The following BOP1 variants were observed in gnomAD, a reference collection of about 807,000 sequenced individuals.
BOP1 encodes the protein ribosome biogenesis protein BOP1.
In BOP1, 54 loss-of-function variants were observed where a neutral mutation model predicts 82.9. The observed-to-expected ratio is 0.65, with a 90% CI of 0.52 to 0.82. The LOEUF (loss-of-function observed/expected upper bound fraction) is 0.82, where lower values mean the gene tolerates loss of function less well. Ranked by LOEUF, BOP1 falls within the 40% of genes least tolerant of loss-of-function variation. The pLI is 0.00. For missense variants in BOP1, 1,170 were observed against 1,072.0 expected (o/e 1.09, Z -1.28); for synonymous variants, 566 against 451.1 (o/e 1.25, Z -3.23).
intron 3 of BOP1, among the ~76,000 whole-genome samples, chr8:144,266,382 G>A (rs1845363851): frequency 6.6e-6 from 1 of 151,868 alleles, no homozygotes; most frequent in Non-Finnish European, 1.5e-5. Context: ...CCTCCGGGCT[G>A]AGAGGGGCGG....
intron 2 of BOP1, among the ~76,000 whole-genome samples, chr8:144,282,474 G>A (rs1210699322): frequency 6.6e-6 from 1 of 152,186 alleles, no homozygotes; most frequent in Non-Finnish European, 1.5e-5. Flanking sequence ...GGCCCACCAA[G>A]CTCGTGCCAG....
At chr8:144,283,223 A>AAAG (rs1398850615) in intron 2 of BOP1, among the ~76,000 whole-genome samples, 3 of 147,694 alleles carry the variant, frequency 2.0e-5, no homozygotes, top group Non-Finnish European at 3.0e-5. Flanking sequence ...AAAAAAAAAA[A>AAAG]AAGAAAGGCT....
intron 3 of BOP1, among the ~76,000 whole-genome samples, chr8:144,268,803 AGG>A (rs1468946315): frequency 1.3e-5 from 2 of 150,632 alleles, no homozygotes; most frequent in African/African-American, 4.9e-5. Flanking sequence ...AGGCAGGGAC[AGG>A]GAGGCAGCGG....
chr8:144,286,772 C>T (rs555174680), intron 2 of BOP1, among the ~76,000 whole-genome samples: 170 of 152,302 alleles, frequency 1.1e-3, no homozygotes, highest in African/African-American at 3.7e-3. Context: ...TGCTGGATGA[C>T]GGAGCACACA....
In BOP1 at chr8:144,289,162, C is replaced by G; in HGVS notation, c.242G>C (p.Gly81Ala). 2 of 1,614,222 alleles carry G rather than the reference C, an allele frequency of 1.2e-6. No homozygotes were observed. The highest frequency in any genetic ancestry group is 8.5e-7 in the Non-Finnish European group (1 of 1,180,036). Residue 81 changes from glycine to alanine, a missense_variant, in exon 2 of 16, where the codon GGA (glycine) becomes GCA (alanine). Transcript: ENST00000569669. ...CTCGTCATCAAGGGCTCCGTCCTCT[C>G]CCTCCTCGTCGCCTTCGTCATCATC... ...SEDDDEGDEEGEDGALDDEGH... is the reference protein window; with the variant it reads ...SEDDDEGDEEAEDGALDDEGH...
At position 144,263,070 on chromosome 8, in the gene BOP1, G is replaced by C; in HGVS notation, c.1677C>G (p.Thr559=). ...LAVVLATQGH[T]QVLIHQLSRR... is the part of the protein sequence containing the mutation. Reference sequence around the variant, plus strand: ...GGCTCAGCTGGTGAATCAGCACCTGGGTGTGGCCTTGGGTGGCCAGCACCA... The same window carrying C: ...GGCTCAGCTGGTGAATCAGCACCTGCGTGTGGCCTTGGGTGGCCAGCACCA... Residue 559 remains threonine (T), a synonymous_variant, in exon 13 of 16, where the codon ACC becomes ACG. Coordinates refer to ENST00000569669, the MANE Select transcript of BOP1 (RefSeq NM_015201.5). 2 of 1,588,400 alleles carry C rather than the reference G, an allele frequency of 1.3e-6. No individual in the cohort carries two copies. The highest frequency in any genetic ancestry group is 1.1e-5 in the South Asian group (1 of 89,492).
chr8:144,263,187 C>A (rs782367967), intron 12 of BOP1, 34 bp downstream of exon 12: 6 of 1,592,406 alleles, frequency 3.8e-6, no homozygotes, highest in Non-Finnish European at 5.1e-6. Flanking sequence ...GGGCCCCTCC[C>A]GCTGCAGCCT....
intron 3 of BOP1, 149 bp downstream of exon 3, chr8:144,276,075 C>G (rs1845563755): frequency 3.5e-6 from 3 of 849,564 alleles, no homozygotes. Context: ...GGAAGCAGGA[C>G]GCCCACGTGG....
At chr8:144,276,838 G>A (rs1845574378) in intron 2 of BOP1, among the ~76,000 whole-genome samples, 4 of 152,170 alleles carry the variant, frequency 2.6e-5, no homozygotes, top group Admixed American at 6.5e-5. Context: ...CCATCCCGGG[G>A]GCCACGTCCC....
intron 3 of BOP1, chr8:144,268,077 C>A (rs1845420091): frequency 1.9e-6 from 3 of 1,549,848 alleles, no homozygotes; most frequent in South Asian, 1.2e-5. Context: ...TCTGCCGGGG[C>A]CTGACACTCC....
rs1845314341 is a variant in BOP1 at position 144,264,606 on chromosome 8, T to C, written c.674A>G (p.Asp225Gly). 6.9e-6 allele frequency: 11 copies of C among 1,600,138 alleles called. No homozygotes were observed. The South Asian group carries it at 1.2e-4, about 18-fold the overall frequency. Residue 225 changes from aspartate (D) to glycine (G), a missense_variant, in exon 6 of 16, where the codon GAC becomes GGC. Coordinates refer to ENST00000569669, the MANE Select transcript of BOP1 (RefSeq NM_015201.5). ...VGFNPYEPAV[D>G]FFSGDVMIHP... Reference sequence around the variant, plus strand: ...GATCATGACGTCCCCGCTGAAGAAGTCGACAGCCGGCTGGGGGAGAAGATG... The same window carrying C: ...GATCATGACGTCCCCGCTGAAGAAGCCGACAGCCGGCTGGGGGAGAAGATG...
In BOP1 at chr8:144,265,058, G is replaced by A. The variant is rs1347167920; in HGVS notation, c.404C>T (p.Thr135Met). ...CCACTCCAAGGGCACGTTGCCCACC[G>A]TGTTCCGGATGTCCTGCAGCCGGGG... Reference protein sequence around the residue: ...DSSDEEDIRNTVGNVPLEWYD... With the variant: ...DSSDEEDIRNMVGNVPLEWYD... Residue 135 changes from threonine to methionine, a missense_variant, in exon 4 of 16, where the codon ACG becomes ATG. Transcript: ENST00000569669. The A allele has an allele frequency of 3.2e-5, 51 of 1,610,728 alleles. No homozygotes were observed. The highest frequency in any genetic ancestry group is 3.0e-4 in the South Asian group (27 of 90,974).
intron 2 of BOP1, among the ~76,000 whole-genome samples, chr8:144,277,012 T>C (rs1845577107): frequency 6.6e-6 from 1 of 152,148 alleles, no homozygotes; most frequent in South Asian, 2.1e-4. Context: ...AAACAGATTC[T>C]GCCCTCGACT....
In BOP1 at chr8:144,278,186, C is replaced by T. The variant is rs587655721; in HGVS notation, c.310-1882G>A. ...GCGAGCGCCACTGGGCAGAGGCAGG[C>T]GGGTCTGAAGGACCGACGGGTGGGC... On this transcript the variant is annotated intron_variant, in intron 2 of 15. Coordinates refer to ENST00000569669, the MANE Select transcript of BOP1 (RefSeq NM_015201.5). 1.8e-3 allele frequency among the ~76,000 whole-genome samples: 274 copies of T among 152,326 alleles called. 1 individual carries two copies. The highest frequency in any genetic ancestry group is 6.2e-3 in the African/African-American group (259 of 41,582).
intron 2 of BOP1, among the ~76,000 whole-genome samples, chr8:144,276,833 C>T (rs1409004263): frequency 6.6e-6 from 1 of 152,186 alleles, no homozygotes; most frequent in East Asian, 1.9e-4. Context: ...TCCACCCATC[C>T]CGGGGGCCAC....
At chr8:144,271,959 C>A (rs1238252524) in intron 3 of BOP1, among the ~76,000 whole-genome samples, 1 of 152,136 alleles carries the variant, frequency 6.6e-6, no homozygotes, top group Non-Finnish European at 1.5e-5. Context: ...CAAGTCACCT[C>A]CTGGGGGTCT....
In BOP1 at chr8:144,265,286, C is replaced by T. The variant is rs961794444; in HGVS notation, c.391-215G>A. 156 of 613,900 alleles carry T rather than the reference C, an allele frequency of 2.5e-4. 3 individuals are homozygous for T. The South Asian group carries it at 2.8e-3, about 11-fold the overall frequency. The allele number at this position is 613,900 out of a possible 1,614,324, so 38.0% of individuals were successfully genotyped here. A position where few individuals can be genotyped will look rare whatever the true frequency, so the allele number is the denominator to read the frequency against. ...CCCCCACCCCCGCCCTCGGAGGCGC[C>T]GGAGCTGCACCTTCACATTTTCCAC... On this transcript the variant is annotated intron_variant, in intron 3 of 15. Coordinates refer to ENST00000569669, the MANE Select transcript of BOP1 (RefSeq NM_015201.5).
intron 2 of BOP1, among the ~76,000 whole-genome samples, chr8:144,279,173 G>A (rs886413969): frequency 2.6e-5 from 4 of 151,190 alleles, no homozygotes; most frequent in Admixed American, 6.6e-5. Context: ...GACCACCACG[G>A]GTCTCAAGAC....
At chr8:144,277,410 A>G (rs901801538) in intron 2 of BOP1, among the ~76,000 whole-genome samples, 13 of 152,166 alleles carry the variant, frequency 8.5e-5, no homozygotes, top group African/African-American at 2.9e-4. Context: ...CCCAAGCCCC[A>G]GACGCGCACA....
Sources: gnomAD v4.1 joint callset for allele counts (sites outside exome capture counted in the v4.1 genomes callset) on GRCh38, gnomAD v4.1.1 for gene constraint, MANE v1.5 for transcripts, NCBI Gene and HGNC (gene_info 2026-07-23, HGNC 2026-07-21) for gene names.